NRXN1: variants seen among roughly 807,000 people sequenced by gnomAD.
NRXN1 encodes neurexin 1, also known as neurexin-1.
Under a neutral mutation model 150.9 loss-of-function variants are expected in NRXN1, and 39 were observed. That is an observed-to-expected ratio of 0.26 (90% CI 0.20 to 0.34). The LOEUF is 0.34. Ranked by LOEUF, NRXN1 falls within the 10% of genes least tolerant of loss-of-function variation. The probability of loss-of-function intolerance (pLI) is 1.00; values close to 1 mark genes in which losing one functional copy is unlikely to be tolerated. For missense variants in NRXN1, 1,815 were observed against 1,949.9 expected (o/e 0.93, Z 1.30); for synonymous variants, 924 against 757.0 (o/e 1.22, Z -3.62).
At chr2:50,883,843 T>A (rs1272747879) in intron 5 of NRXN1, among the ~76,000 whole-genome samples, 1 of 151,808 alleles carries the variant, frequency 6.6e-6, no homozygotes, top group Admixed American at 6.6e-5. Flanking sequence ...GATGATTCCA[T>A]TTTTACAAAA....
intron 5 of NRXN1, among the ~76,000 whole-genome samples, chr2:50,730,531 G>A (rs1349973831): frequency 6.6e-6 from 1 of 152,074 alleles, no homozygotes; most frequent in East Asian, 1.9e-4. Flanking sequence ...GACTAGTGCA[G>A]CCTTCAAAAA....
At chr2:50,435,626 G>T (rs1395122157) in intron 17 of NRXN1, among the ~76,000 whole-genome samples, 1 of 152,076 alleles carries the variant, frequency 6.6e-6, no homozygotes, top group Non-Finnish European at 1.5e-5. Flanking sequence ...CGTCTTTATG[G>T]TAGAACAATT....
chr2:50,844,198 C>G (rs1673290191), intron 5 of NRXN1, among the ~76,000 whole-genome samples: 1 of 152,142 alleles, frequency 6.6e-6, no homozygotes, highest in African/African-American at 2.4e-5. Flanking sequence ...TATCTCCTAG[C>G]ACATAAGTCC....
chr2:50,894,254 A>AAATG (rs1273140978), intron 5 of NRXN1, among the ~76,000 whole-genome samples: 4 of 148,156 alleles, frequency 2.7e-5, no homozygotes, highest in Non-Finnish European at 6.0e-5. Flanking sequence ...ATAAATAAAT[A>AAATG]AATAAATAAA....
chr2:50,080,475 A>G (rs1046640334), intron 19 of NRXN1, among the ~76,000 whole-genome samples: 7 of 152,222 alleles, frequency 4.6e-5, no homozygotes, highest in South Asian at 2.1e-4. Context: ...GAGATGTTAT[A>G]TTGATAGCAA....
At chr2:50,375,107 T>C (rs192326260) in intron 17 of NRXN1, among the ~76,000 whole-genome samples, 268 of 152,286 alleles carry the variant, frequency 1.8e-3, no homozygotes, top group Non-Finnish European at 2.4e-3. Context: ...ATTTTCTATA[T>C]ATACACTTGC....
intron 2 of NRXN1, among the ~76,000 whole-genome samples, chr2:50,931,393 C>A (rs1687725560): frequency 1.3e-5 from 2 of 151,978 alleles, no homozygotes; most frequent in Admixed American, 6.6e-5. Context: ...GACTAAACCA[C>A]ATTGTAAAAA....
intron 17 of NRXN1, among the ~76,000 whole-genome samples, chr2:50,410,800 C>T (rs765963648): frequency 6.6e-6 from 1 of 152,086 alleles, no homozygotes; most frequent in African/African-American, 2.4e-5. Context: ...TGTGCCTCAC[C>T]CACTTTGAAG....
At chr2:49,956,539 C>G (rs1213811285) in intron 21 of NRXN1, among the ~76,000 whole-genome samples, 1 of 151,990 alleles carries the variant, frequency 6.6e-6, no homozygotes, top group Admixed American at 6.6e-5. Flanking sequence ...TTCATGGTGT[C>G]CCAACTCCCA....
At chr2:50,964,717 A>T (rs1397425603) in intron 2 of NRXN1, among the ~76,000 whole-genome samples, 2 of 151,524 alleles carry the variant, frequency 1.3e-5, no homozygotes, top group Non-Finnish European at 3.0e-5. Flanking sequence ...AGATATTCAT[A>T]AATGCTTTAT....
At chr2:50,575,338 A>G (rs1292607595) in intron 8 of NRXN1, among the ~76,000 whole-genome samples, 1 of 152,188 alleles carries the variant, frequency 6.6e-6, no homozygotes, top group Non-Finnish European at 1.5e-5. Flanking sequence ...TTGTGGGCAT[A>G]AGCCCTGGTG....
intron 5 of NRXN1, among the ~76,000 whole-genome samples, chr2:50,658,613 C>T (rs2104620154): frequency 6.6e-6 from 1 of 151,996 alleles, no homozygotes; most frequent in Admixed American, 6.6e-5. Context: ...ATTCCTTTCC[C>T]TTTTGTCTTT....
chr2:50,084,301 A>C (rs983331209), intron 19 of NRXN1, among the ~76,000 whole-genome samples: 4 of 152,158 alleles, frequency 2.6e-5, no homozygotes, highest in Non-Finnish European at 4.4e-5. Flanking sequence ...GCGGGGGGAC[A>C]CTGGGGAGGG....
intron 2 of NRXN1, among the ~76,000 whole-genome samples, chr2:50,955,317 G>A (rs1278822431): frequency 1.3e-5 from 2 of 152,170 alleles, no homozygotes; most frequent in Non-Finnish European, 2.9e-5. Flanking sequence ...CACCAGCTGT[G>A]TATAGTCACA....
At chr2:50,639,751 T>C (rs1369476475) in intron 5 of NRXN1, among the ~76,000 whole-genome samples, 5 of 152,176 alleles carry the variant, frequency 3.3e-5, no homozygotes, top group African/African-American at 1.2e-4. Flanking sequence ...CATTTTTCTG[T>C]TACAATATCA....
At chr2:50,570,740 T>TTATA (rs139186455) in intron 8 of NRXN1, among the ~76,000 whole-genome samples, 21 of 151,892 alleles carry the variant, frequency 1.4e-4, no homozygotes, top group African/African-American at 5.1e-4. Context: ...GGCAGTCATG[T>TTATA]TATATATATA....
chr2:50,055,231 A>G (rs1253539866), intron 19 of NRXN1, among the ~76,000 whole-genome samples, 187 bp from the exon 20 acceptor site: 1 of 152,196 alleles, frequency 6.6e-6, no homozygotes, highest in Non-Finnish European at 1.5e-5. Flanking sequence ...TTTAGCAAAC[A>G]AAATTATTCC....
chr2:50,320,188 G>T (rs558892763), intron 17 of NRXN1, among the ~76,000 whole-genome samples: 42 of 149,904 alleles, frequency 2.8e-4, no homozygotes, highest in Non-Finnish European at 4.9e-4. Flanking sequence ...AATGAGAAGG[G>T]TCTTGAATGA....
intron 5 of NRXN1, chr2:50,656,474 T>A (rs1021961303): frequency 8.3e-6 from 6 of 726,276 alleles, no homozygotes; most frequent in Non-Finnish European, 1.5e-5. Context: ...TTTTGCTCTG[T>A]TTAAACATTC....
Sources: allele counts gnomAD v4.1 joint callset (sites outside exome capture counted in the v4.1 genomes callset), GRCh38; gene constraint gnomAD v4.1.1; transcripts MANE v1.5; gene names NCBI Gene and HGNC (gene_info 2026-07-23, HGNC 2026-07-21).